ZNF804B: variants seen among roughly 807,000 people sequenced by gnomAD.
ZNF804B encodes zinc finger 804B.
Under a neutral mutation model 101.4 loss-of-function variants are expected in ZNF804B, and 80 were observed. The ratio of observed to expected loss-of-function variants is 0.79; its 90% CI spans 0.66 to 0.95. ZNF804B has a LOEUF of 0.95. Among genes scored for constraint, ZNF804B ranks in the 40% least tolerant of loss-of-function variants. The pLI, the probability that ZNF804B is intolerant of heterozygous loss-of-function variation, is 0.00. For missense variants in ZNF804B, 1,673 were observed against 1,561.9 expected, an observed-to-expected ratio of 1.07 and a Z score of -1.20; for synonymous variants, 622 against 558.8, an observed-to-expected ratio of 1.11 and a Z score of -1.59.
chr7:89,059,879 T>C (rs1057054574), intron 1 of ZNF804B, among the ~76,000 whole-genome samples: 4 of 126,900 alleles, frequency 3.2e-5, no homozygotes, highest in African/African-American at 1.2e-4. Flanking sequence ...ATGCTGTCAG[T>C]GTTGGAGAGC....
At chr7:89,220,748 G>A (rs747919487) in intron 2 of ZNF804B, among the ~76,000 whole-genome samples, 29 of 151,876 alleles carry the variant, frequency 1.9e-4, no homozygotes, top group Admixed American at 4.6e-4. Context: ...GTAAATTTGA[G>A]TTCATTGAAA....
At chr7:88,931,328 G>A (rs1417759917) in intron 1 of ZNF804B, among the ~76,000 whole-genome samples, 1 of 151,834 alleles carries the variant, frequency 6.6e-6, no homozygotes, top group Non-Finnish European at 1.5e-5. Context: ...GTGTTTCAAT[G>A]CAAAGGTTTT....
chr7:88,794,730 T>C (rs750092642), intron 1 of ZNF804B: 17 of 1,613,452 alleles, frequency 1.1e-5, no homozygotes, highest in Middle Eastern at 1.7e-4. Flanking sequence ...ACTGAAACAT[T>C]TGTTCATAGT....
intron 1 of ZNF804B, among the ~76,000 whole-genome samples, chr7:89,157,514 T>C (rs1790995620): frequency 6.6e-6 from 1 of 152,134 alleles, no homozygotes; most frequent in South Asian, 2.1e-4. Flanking sequence ...TTGATGAACA[T>C]ATTCTTTGAT....
chr7:88,949,915 C>T lies in ZNF804B; in HGVS notation c.108+189831C>T, dbSNP rs571746315. Among the ~76,000 whole-genome samples, 1,234 of 152,028 alleles carry T rather than the reference C, an allele frequency of 8.1e-3. 18 individuals carry two copies. The highest frequency in any genetic ancestry group is 0.028 in the African/African-American group (1,172 of 41,524). ...TGTAAAGTATAGTAGGTTATATCATCTAGATTTGTGTCAGTACACACTATC... is the reference window on the plus strand; with the variant it reads ...TGTAAAGTATAGTAGGTTATATCATTTAGATTTGTGTCAGTACACACTATC... On this transcript the variant is annotated intron_variant, in intron 1 of 3. Transcript: ENST00000333190.
At chr7:89,226,746 A>T (rs905355721) in intron 2 of ZNF804B, among the ~76,000 whole-genome samples, 1 of 152,146 alleles carries the variant, frequency 6.6e-6, no homozygotes, top group African/African-American at 2.4e-5. Context: ...TGTGACTTGT[A>T]AATATTTTTC....
chr7:88,889,293 G>C (rs1792180394), intron 1 of ZNF804B, among the ~76,000 whole-genome samples: 1 of 152,010 alleles, frequency 6.6e-6, no homozygotes, highest in African/African-American at 2.4e-5. Context: ...CTTATTTTGG[G>C]GGAGGGGTAT....
At chr7:89,153,368 G>C (rs1285395269) in intron 1 of ZNF804B, among the ~76,000 whole-genome samples, 1 of 151,128 alleles carries the variant, frequency 6.6e-6, no homozygotes, top group Non-Finnish European at 1.5e-5. Flanking sequence ...TCAGGGACCG[G>C]TGAATCTGCT....
At chr7:88,890,953 T>G (rs1792205486) in intron 1 of ZNF804B, among the ~76,000 whole-genome samples, 1 of 152,122 alleles carries the variant, frequency 6.6e-6, no homozygotes, top group Non-Finnish European at 1.5e-5. Context: ...CTTTTTTCAG[T>G]TCTCATCAAC....
At chr7:89,140,746 G>T (rs1790704616) in intron 1 of ZNF804B, among the ~76,000 whole-genome samples, 1 of 152,062 alleles carries the variant, frequency 6.6e-6, no homozygotes, top group Non-Finnish European at 1.5e-5. Flanking sequence ...GATCTTCAAT[G>T]TAAAACTTTC....
rs1031205422 is a variant in ZNF804B at position 89,068,220 on chromosome 7, T to C, written c.109-149935T>C. Reference sequence around the variant, plus strand: ...AGAATTGGGTAAATAAGAAAAATACTGTGAGCATTTTCTTCTTAAAGTTGT... The same window carrying C: ...AGAATTGGGTAAATAAGAAAAATACCGTGAGCATTTTCTTCTTAAAGTTGT... On this transcript the variant is annotated intron_variant, in intron 1 of 3. Coordinates refer to ENST00000333190, the MANE Select transcript of ZNF804B (RefSeq NM_181646.5). 1.3e-4 allele frequency among the ~76,000 whole-genome samples: 20 copies of C among 151,190 alleles called. No individual in the cohort carries two copies. In the South Asian group the frequency reaches 1.7e-3, roughly 13 times the overall value.
At chr7:89,276,309 G>C (rs1201639085) in intron 2 of ZNF804B, among the ~76,000 whole-genome samples, 1 of 151,768 alleles carries the variant, frequency 6.6e-6, no homozygotes, top group Non-Finnish European at 1.5e-5. Context: ...TCCTGCACAT[G>C]TACCCTGGAA....
intron 1 of ZNF804B, among the ~76,000 whole-genome samples, chr7:88,968,048 A>T (rs1765933318): frequency 6.6e-6 from 1 of 151,550 alleles, no homozygotes; most frequent in African/African-American, 2.4e-5. Context: ...TAAGAGTGTG[A>T]CTATATTCTA....
chr7:89,095,968 G>A (rs1156654176), intron 1 of ZNF804B, among the ~76,000 whole-genome samples: 1 of 151,816 alleles, frequency 6.6e-6, no homozygotes, highest in African/African-American at 2.4e-5. Context: ...TGGCTAACAT[G>A]GTGAAACCCC....
chr7:89,117,775 G>C (rs1251052319), intron 1 of ZNF804B, among the ~76,000 whole-genome samples: 1 of 152,106 alleles, frequency 6.6e-6, no homozygotes, highest in Non-Finnish European at 1.5e-5. Flanking sequence ...TTGAAGGCTT[G>C]TAATCATGTT....
At chr7:89,113,466 T>C (rs1318757851) in intron 1 of ZNF804B, among the ~76,000 whole-genome samples, 3 of 152,116 alleles carry the variant, frequency 2.0e-5, no homozygotes, top group Non-Finnish European at 2.9e-5. Context: ...ATAACTCTTA[T>C]AAAACAAATG....
intron 1 of ZNF804B, among the ~76,000 whole-genome samples, chr7:88,995,676 C>A (rs546441932): frequency 9.9e-5 from 15 of 152,050 alleles, no homozygotes; most frequent in African/African-American, 3.4e-4. Context: ...GCTTCGTGAC[C>A]TCCTTCCAAA....
chr7:88,857,822 C>CTTTTTTTTTTTTTTTTTTTTTTTT (rs55841922), intron 1 of ZNF804B, among the ~76,000 whole-genome samples: 2 of 81,422 alleles, frequency 2.5e-5, no homozygotes, highest in Admixed American at 1.7e-4. Context: ...CCTTTCTTTT[C>CTTTTTTTTTTTTTTTTTTTTTTTT]TTTTTTTTTT....
chr7:89,090,727 C>T (rs1181868639), intron 1 of ZNF804B, among the ~76,000 whole-genome samples: 1 of 151,992 alleles, frequency 6.6e-6, no homozygotes, highest in Non-Finnish European at 1.5e-5. Context: ...TGGCTTTCTT[C>T]CTTTTCCCCT....
Sources: gnomAD v4.1 joint callset for allele counts (sites outside exome capture counted in the v4.1 genomes callset) on GRCh38, gnomAD v4.1.1 for gene constraint, MANE v1.5 for transcripts, NCBI Gene and HGNC (gene_info 2026-07-23, HGNC 2026-07-21) for gene names.